Variants in TBC1D30 observed in about 807,000 individuals in gnomAD.
TBC1D30 encodes TBC1 domain family member 30.
Under a neutral mutation model 63.2 loss-of-function variants are expected in TBC1D30, and 31 were observed. The ratio of observed to expected loss-of-function variants is 0.49; its 90% CI spans 0.37 to 0.66. TBC1D30 has a LOEUF of 0.66. TBC1D30 is among the 30% of genes least tolerant of loss of function. The pLI is 0.00. For missense variants in TBC1D30, 810 were observed against 953.6 expected, an observed-to-expected ratio of 0.85 and a Z score of 1.98; for synonymous variants, 307 against 361.5, an observed-to-expected ratio of 0.85 and a Z score of 1.71.
chr12:64,794,504 C>T (rs900668017), intron 2 of TBC1D30, among the ~76,000 whole-genome samples: 6 of 152,016 alleles, frequency 3.9e-5, no homozygotes, highest in Admixed American at 6.6e-5. Context: ...GTGGTGCAAT[C>T]GTGGCTCACT....
intron 10 of TBC1D30, among the ~76,000 whole-genome samples, chr12:64,869,685 C>T (rs1850550441): frequency 6.6e-6 from 1 of 151,980 alleles, no homozygotes. Context: ...ATCACTTTCT[C>T]CTAAATTTCA....
upstream of TBC1D30, among the ~76,000 whole-genome samples, chr12:64,819,792 T>G (rs1420462285): frequency 6.6e-6 from 1 of 152,210 alleles, no homozygotes; most frequent in Non-Finnish European, 1.5e-5. Context: ...ACTTCACTAT[T>G]CAGGAGCTGT....
chr12:64,808,660 G>T (rs958859719), intron 2 of TBC1D30, among the ~76,000 whole-genome samples: 3 of 152,026 alleles, frequency 2.0e-5, no homozygotes, highest in African/African-American at 7.2e-5. Context: ...GTACAGTCAC[G>T]CTGTGCATTC....
chr12:64,805,054 G>T (rs1264352756), intron 2 of TBC1D30, among the ~76,000 whole-genome samples: 1 of 151,952 alleles, frequency 6.6e-6, no homozygotes, highest in South Asian at 2.1e-4. Flanking sequence ...TACAAAAAAT[G>T]AGTTGGGCTT....
At chr12:64,811,290 T>A (rs1267488524) in intron 2 of TBC1D30, among the ~76,000 whole-genome samples, 1 of 152,186 alleles carries the variant, frequency 6.6e-6, no homozygotes, top group Non-Finnish European at 1.5e-5. Flanking sequence ...ACACAGATAG[T>A]GATTATGACA....
At chr12:64,847,904 A>G (rs1029619634) in intron 8 of TBC1D30, among the ~76,000 whole-genome samples, 21 of 151,142 alleles carry the variant, frequency 1.4e-4, no homozygotes, top group African/African-American at 4.1e-4. Flanking sequence ...CATTTGTTCT[A>G]TAGTACAGAT....
At chr12:64,851,377 G>T (rs1426280912) in intron 8 of TBC1D30, among the ~76,000 whole-genome samples, 1 of 152,106 alleles carries the variant, frequency 6.6e-6, no homozygotes, top group African/African-American at 2.4e-5. Flanking sequence ...TATCCCATTT[G>T]CTTGGTAAAT....
chr12:64,830,015 G>A (rs1874700551), intron 3 of TBC1D30, among the ~76,000 whole-genome samples: 1 of 152,152 alleles, frequency 6.6e-6, no homozygotes, highest in Admixed American at 6.5e-5. Flanking sequence ...AGTATGGAGA[G>A]CAATACAGAG....
chr12:64,776,142 A>C (rs979658194), upstream of TBC1D30, among the ~76,000 whole-genome samples: 3 of 152,232 alleles, frequency 2.0e-5, no homozygotes, highest in African/African-American at 7.2e-5. Flanking sequence ...TAAGAGGGAA[A>C]TTTATAGCAC....
chr12:64,860,248 G>A (rs919896615), intron 8 of TBC1D30, among the ~76,000 whole-genome samples: 1 of 151,972 alleles, frequency 6.6e-6, no homozygotes, highest in African/African-American at 2.4e-5. Flanking sequence ...GAACTCCTGG[G>A]CTCAAGCAGT....
chr12:64,778,549 C>CTTTTT (rs34519163), upstream of TBC1D30, among the ~76,000 whole-genome samples: 38 of 78,848 alleles, frequency 4.8e-4, no homozygotes, highest in African/African-American at 1.6e-3. Context: ...ACAGAGAAGC[C>CTTTTT]TTTTTTTTTT....
In TBC1D30 at chr12:64,875,625, T is replaced by A; in HGVS notation, c.2123T>A (p.Ile708Asn). ...APQGSNSKTP[I>N]FSPFPSVKPL... ...CAAGGCAGCAACTCAAAAACCCCCA[T>A]CTTTAGCCCTTTTCCCAGCGTCAAG... The change falls in exon 12 of 12, where the codon ATC becomes AAC. Residue 708 changes from isoleucine (I) to asparagine (N), a missense_variant. This residue lies in a region of TBC1D30 where 450 missense variants were observed against 473.0 expected (regional missense o/e 0.95). Coordinates refer to ENST00000539867, the MANE Select transcript of TBC1D30 (RefSeq NM_015279.2). 1.3e-6 allele frequency: 2 copies of A among 1,536,122 alleles called. No homozygotes were observed. Among genetic ancestry groups the A allele is most frequent in the East Asian group, 4.9e-5 (2 of 40,908 alleles).
At chr12:64,782,290 G>T (rs1247994852) in intron 1 of TBC1D30, among the ~76,000 whole-genome samples, 1 of 145,526 alleles carries the variant, frequency 6.9e-6, no homozygotes. Flanking sequence ...TCTCCTCACT[G>T]TATTAAAAAA....
chr12:64,840,638 T>C (rs1875791207), intron 7 of TBC1D30, among the ~76,000 whole-genome samples: 1 of 152,174 alleles, frequency 6.6e-6, no homozygotes, highest in Non-Finnish European at 1.5e-5. Context: ...TTTATAGATG[T>C]GAGAATTGAG....
chr12:64,791,927 T>C (rs1871949937), intron 2 of TBC1D30, among the ~76,000 whole-genome samples: 1 of 152,146 alleles, frequency 6.6e-6, no homozygotes, highest in Non-Finnish European at 1.5e-5. Flanking sequence ...TTAAAATAAC[T>C]ACAGGATTAT....
intron 11 of TBC1D30, among the ~76,000 whole-genome samples, chr12:64,872,652 G>A (rs1878746354): frequency 6.6e-6 from 1 of 152,196 alleles, no homozygotes; most frequent in Non-Finnish European, 1.5e-5. Flanking sequence ...CACTGCTGGT[G>A]CTGCTGCATG....
At chr12:64,803,114 C>T (rs147954500) in intron 2 of TBC1D30, among the ~76,000 whole-genome samples, 1,623 of 152,302 alleles carry the variant, frequency 0.011, 33 homozygotes, top group African/African-American at 0.035. Flanking sequence ...GTCCCACCAA[C>T]AGTGTAAAAG....
intron 3 of TBC1D30, among the ~76,000 whole-genome samples, chr12:64,829,527 G>A (rs191593481): frequency 3.0e-3 from 449 of 152,124 alleles, no homozygotes; most frequent in African/African-American, 0.01. Flanking sequence ...TAGGGTAGGT[G>A]GTGGAATAAG....
At chr12:64,850,523 G>A (rs1258044986) in intron 8 of TBC1D30, among the ~76,000 whole-genome samples, 1 of 152,108 alleles carries the variant, frequency 6.6e-6, no homozygotes, top group Admixed American at 6.6e-5. Flanking sequence ...TTCTGCATCT[G>A]TTGAGATAAT....
Sources: gnomAD v4.1 joint callset for allele counts (sites outside exome capture counted in the v4.1 genomes callset) on GRCh38, gnomAD v4.1.1 for gene constraint, gnomAD v4.1.1 regional missense constraint, MANE v1.5 for transcripts, NCBI Gene and HGNC (gene_info 2026-07-23, HGNC 2026-07-21) for gene names.